The following CTNNA2 variants were observed in gnomAD, a reference collection of about 807,000 sequenced individuals.
The protein encoded by CTNNA2 is catenin alpha 2.
In CTNNA2, 42 loss-of-function variants were observed where a neutral mutation model predicts 101.0. The ratio of observed to expected loss-of-function variants is 0.42; its 90% CI spans 0.32 to 0.54. CTNNA2 has a LOEUF of 0.54. Ranked by LOEUF, CTNNA2 falls within the 20% of genes least tolerant of loss-of-function variation. The probability of loss-of-function intolerance (pLI) is 0.14; values close to 1 mark genes in which losing one functional copy is unlikely to be tolerated. For missense variants in CTNNA2, 871 were observed against 1,223.1 expected (o/e 0.71, Z 4.29); for synonymous variants, 450 against 456.4 (o/e 0.99, Z 0.18).
intron 9 of CTNNA2, among the ~76,000 whole-genome samples, chr2:80,472,383 G>A (rs947477515): frequency 5.9e-5 from 9 of 152,122 alleles, no homozygotes; most frequent in South Asian, 2.1e-4. Context: ...GAGGGAGGTC[G>A]TGGAGAAGGT....
intron 6 of CTNNA2, among the ~76,000 whole-genome samples, chr2:79,890,015 C>T (rs539279010): frequency 6.6e-6 from 1 of 152,280 alleles, no homozygotes; most frequent in East Asian, 1.9e-4. Context: ...TGAGACCTAA[C>T]AAGTCCAGTG....
intron 7 of CTNNA2, among the ~76,000 whole-genome samples, chr2:80,358,291 A>C (rs1674038624): frequency 6.6e-6 from 1 of 151,908 alleles, no homozygotes; most frequent in Non-Finnish European, 1.5e-5. Context: ...TAGATATCAA[A>C]ATATTTTTGC....
intron 7 of CTNNA2, among the ~76,000 whole-genome samples, chr2:80,378,350 C>G (rs539997564): frequency 2.1e-5 from 3 of 145,610 alleles, no homozygotes; most frequent in East Asian, 2.0e-4. Context: ...GAGCAAAACT[C>G]TGTCTCAAAA....
At chr2:80,523,426 G>T (rs1689746364) in intron 9 of CTNNA2, among the ~76,000 whole-genome samples, 1 of 152,174 alleles carries the variant, frequency 6.6e-6, no homozygotes, top group Non-Finnish European at 1.5e-5. Flanking sequence ...GAAGCAAAAG[G>T]AGGAAAATGT....
intron 18 of CTNNA2, among the ~76,000 whole-genome samples, chr2:80,630,310 T>G (rs1672141625): frequency 1.3e-5 from 2 of 152,192 alleles, no homozygotes; most frequent in Non-Finnish European, 2.9e-5. Flanking sequence ...TAGAAAACCT[T>G]TTCATATGTC....
intron 7 of CTNNA2, among the ~76,000 whole-genome samples, chr2:80,069,588 C>T (rs1036822287): frequency 6.6e-6 from 1 of 152,256 alleles, no homozygotes; most frequent in East Asian, 1.9e-4. Context: ...TACACCATAA[C>T]TTCAATATTA....
chr2:79,553,897 G>A (rs959186989), intron 1 of CTNNA2, among the ~76,000 whole-genome samples: 3 of 152,176 alleles, frequency 2.0e-5, no homozygotes, highest in African/African-American at 7.2e-5. Flanking sequence ...ACCTGGGGAG[G>A]TATGTGGACT....
At chr2:79,311,679 A>G (rs1396578454) in intron 2 of CTNNA2, among the ~76,000 whole-genome samples, 1 of 152,078 alleles carries the variant, frequency 6.6e-6, no homozygotes, top group Non-Finnish European at 1.5e-5. Flanking sequence ...TACTACTGCT[A>G]CAAACCCCCA....
intron 6 of CTNNA2, among the ~76,000 whole-genome samples, chr2:79,881,064 A>G (rs1443283671): frequency 6.6e-6 from 1 of 152,072 alleles, no homozygotes; most frequent in Non-Finnish European, 1.5e-5. Context: ...CCTTAATTTC[A>G]TTATTTACCC....
At chr2:80,295,407 G>C (rs1392645346) in intron 7 of CTNNA2, among the ~76,000 whole-genome samples, 1 of 152,004 alleles carries the variant, frequency 6.6e-6, no homozygotes, top group African/African-American at 2.4e-5. Context: ...CTGTTTTCCA[G>C]CATGTCCACC....
intron 8 of CTNNA2, among the ~76,000 whole-genome samples, chr2:80,409,341 A>G (rs191939687): frequency 4.6e-5 from 7 of 152,282 alleles, no homozygotes; most frequent in African/African-American, 1.7e-4. Flanking sequence ...ATGTAGAAAC[A>G]TTAGACTTTT....
intron 7 of CTNNA2, among the ~76,000 whole-genome samples, chr2:79,935,904 C>T (rs1361453409): frequency 6.6e-6 from 1 of 152,178 alleles, no homozygotes; most frequent in Non-Finnish European, 1.5e-5. Context: ...AAATGCAAGT[C>T]ACAGTTCTTT....
At chr2:80,618,704 C>T (rs1400809284) in intron 17 of CTNNA2, 4 of 155,108 alleles carry the variant, frequency 2.6e-5, no homozygotes, top group African/African-American at 4.8e-5. Context: ...TCCCCACATA[C>T]CGTTCCAGGC....
chr2:79,933,707 G>A lies in CTNNA2; in HGVS notation c.1056+23910G>A, dbSNP rs1298653452. On this transcript the variant is annotated intron_variant, in intron 7 of 18. Coordinates refer to ENST00000402739, the MANE Select transcript of CTNNA2 (RefSeq NM_001282597.3). ...TGACCTCAGGTGATCCACCTGCCTC[G>A]GCCTCCCAAAGTGCTGGGATTACAG... is the stretch of plus-strand genomic sequence containing the variant. Among the ~76,000 whole-genome samples, 6 of 151,978 alleles carry A rather than the reference G, an allele frequency of 3.9e-5. No homozygotes were observed. In the East Asian group the frequency reaches 7.7e-4, roughly 20 times the overall value.
At chr2:79,251,315 T>C (rs886244299) in intron 2 of CTNNA2, among the ~76,000 whole-genome samples, 1 of 152,156 alleles carries the variant, frequency 6.6e-6, no homozygotes, top group African/African-American at 2.4e-5. Flanking sequence ...TCTCCCTACT[T>C]GCCTGGAGCT....
chr2:79,206,231 G>C (rs768497628), intron 2 of CTNNA2, among the ~76,000 whole-genome samples: 5 of 151,150 alleles, frequency 3.3e-5, no homozygotes, highest in Admixed American at 6.6e-5. Flanking sequence ...GCCCAGTTCT[G>C]AGTTAGAATT....
At chr2:80,569,502 T>A (rs935599922) in intron 12 of CTNNA2, among the ~76,000 whole-genome samples, 2 of 152,130 alleles carry the variant, frequency 1.3e-5, no homozygotes, top group African/African-American at 2.4e-5. Flanking sequence ...TCAAAAACTC[T>A]GTTAATACAC....
chr2:80,353,589 C>T (rs1042026693), intron 7 of CTNNA2, among the ~76,000 whole-genome samples: 13 of 152,082 alleles, frequency 8.5e-5, no homozygotes, highest in African/African-American at 3.1e-4. Context: ...GAGAACAATT[C>T]TGAACAAATA....
chr2:80,418,750 A>G (rs1680255110), intron 8 of CTNNA2, among the ~76,000 whole-genome samples: 1 of 152,180 alleles, frequency 6.6e-6, no homozygotes, highest in Admixed American at 6.5e-5. Flanking sequence ...GCACCAAGGT[A>G]ATTTTTCAGG....
Sources: gnomAD v4.1 joint callset for allele counts (sites outside exome capture counted in the v4.1 genomes callset) on GRCh38, gnomAD v4.1.1 for gene constraint, MANE v1.5 for transcripts, NCBI Gene and HGNC (gene_info 2026-07-23, HGNC 2026-07-21) for gene names.